Variants in FGF7 observed in about 807,000 individuals in gnomAD.
The protein encoded by FGF7 is fibroblast growth factor 7.
A neutral mutation model predicts 20.5 loss-of-function variants in FGF7; 6 were observed. The observed-to-expected ratio is 0.29, with a 90% CI of 0.16 to 0.58. The LOEUF (loss-of-function observed/expected upper bound fraction) is 0.58. FGF7 is among the 20% of genes least tolerant of loss of function. The pLI is 0.90. For synonymous variants in FGF7, 64 were observed against 74.7 expected, an observed-to-expected ratio of 0.86 and a Z score of 0.74; for missense variants, 144 against 228.8, an observed-to-expected ratio of 0.63 and a Z score of 2.39.
intron 2 of FGF7, among the ~76,000 whole-genome samples, chr15:49,429,823 C>T (rs1372046403): frequency 6.6e-6 from 1 of 151,842 alleles, no homozygotes; most frequent in Non-Finnish European, 1.5e-5. Context: ...CATTAGATTA[C>T]TGGGGAATTA....
chr15:49,447,877 T>C (rs1285315933), intron 2 of FGF7, among the ~76,000 whole-genome samples: 1 of 151,688 alleles, frequency 6.6e-6, no homozygotes, highest in African/African-American at 2.4e-5. Context: ...GGTTTGACTT[T>C]TGTTTTTCAT....
intron 2 of FGF7, among the ~76,000 whole-genome samples, chr15:49,433,517 G>A (rs563344609): frequency 1.3e-5 from 2 of 151,526 alleles, no homozygotes; most frequent in South Asian, 2.1e-4. Context: ...AATTTAAAGT[G>A]GGCAAGAATT....
At chr15:49,480,474 ATT>A (rs35283556) in intron 2 of FGF7, among the ~76,000 whole-genome samples, 18 of 100,912 alleles carry the variant, frequency 1.8e-4, no homozygotes, top group Middle Eastern at 6.6e-3. Context: ...TGCCCAACTA[ATT>A]TTTTTTTTTT....
rs565920272 is a variant in FGF7, at chr15:49,469,859, T to A, written c.287-13292T>A. 4.6e-5 allele frequency among the ~76,000 whole-genome samples: 7 copies of A among 152,218 alleles called. No homozygotes were observed. In the South Asian group the frequency reaches 8.3e-4, roughly 18 times the overall value. ...AATTTTTTACGACTCTAAGAAGTCA[T>A]AATGATAAGCAAACTCAAAATGAGA... On this transcript the variant is annotated intron_variant, in intron 2 of 3. Transcript: ENST00000267843.
chr15:49,448,896 G>C (rs2052472086), intron 2 of FGF7, among the ~76,000 whole-genome samples: 1 of 151,540 alleles, frequency 6.6e-6, no homozygotes, highest in Non-Finnish European at 1.5e-5. Flanking sequence ...CTAACAACTG[G>C]ATACTTTCTC....
intron 2 of FGF7, among the ~76,000 whole-genome samples, chr15:49,435,260 GT>G (rs2051000011): frequency 1.3e-5 from 2 of 151,522 alleles, no homozygotes; most frequent in South Asian, 4.1e-4. Context: ...TCTTTATGGA[GT>G]TTTTTCCCTA....
chr15:49,429,512 T>C (rs1269386803), intron 2 of FGF7, among the ~76,000 whole-genome samples: 3 of 151,932 alleles, frequency 2.0e-5, no homozygotes, highest in Admixed American at 2.0e-4. Flanking sequence ...AGCTGTACAA[T>C]AACTCTTTAA....
intron 2 of FGF7, among the ~76,000 whole-genome samples, chr15:49,434,852 ATAAT>A (rs149612053): frequency 0.017 from 2,613 of 151,618 alleles, 94 homozygotes; most frequent in African/African-American, 0.06. Context: ...AAACTAATTA[ATAAT>A]TAATTAATAA....
At chr15:49,447,939 A>G (rs1220486672) in intron 2 of FGF7, among the ~76,000 whole-genome samples, 3 of 151,716 alleles carry the variant, frequency 2.0e-5, no homozygotes, top group Non-Finnish European at 4.4e-5. Flanking sequence ...TCCTTTAAAG[A>G]TCTAGCTTTT....
At chr15:49,442,625 T>C (rs1433776974) in intron 2 of FGF7, among the ~76,000 whole-genome samples, 1 of 151,652 alleles carries the variant, frequency 6.6e-6, no homozygotes, top group Admixed American at 6.6e-5. Flanking sequence ...TTGCATAGAG[T>C]AGTTACTCAC....
rs2056215155 is a variant in FGF7 at position 49,484,296 on chromosome 15, GTTTGT to G, written c.391-10_391-6del. ...TCATTTGGATAATGTCTGTTTGTTT[GTTTGT>G]TTTAACAGAAAGAATGCAATGAAGA... On this transcript the variant is annotated splice_polypyrimidine_tract_variant and intron_variant, in intron 3 of 3. Transcript: ENST00000267843. 2 of 1,571,072 alleles carry G rather than the reference GTTTGT, an allele frequency of 1.3e-6. No homozygotes were observed. Among genetic ancestry groups the G allele is most frequent in the Non-Finnish European group, 1.7e-6 (2 of 1,161,400 alleles).
intron 2 of FGF7, among the ~76,000 whole-genome samples, chr15:49,459,421 T>G (rs1487883535): frequency 1.3e-5 from 2 of 152,192 alleles, no homozygotes; most frequent in Non-Finnish European, 2.9e-5. Context: ...GTCCATGTGT[T>G]GTACATTTTT....
At chr15:49,470,629 C>T (rs2054655637) in intron 2 of FGF7, among the ~76,000 whole-genome samples, 1 of 152,150 alleles carries the variant, frequency 6.6e-6, no homozygotes, top group African/African-American at 2.4e-5. Flanking sequence ...ACTTCTTTTG[C>T]TTTAGCCTCA....
At chr15:49,448,414 G>A (rs917755951) in intron 2 of FGF7, among the ~76,000 whole-genome samples, 6 of 150,780 alleles carry the variant, frequency 4.0e-5, no homozygotes, top group African/African-American at 1.5e-4. Flanking sequence ...ATATAGAACT[G>A]ATGTGTATAT....
chr15:49,478,860 T>C (rs146883688), intron 2 of FGF7, among the ~76,000 whole-genome samples: 1,628 of 152,204 alleles, frequency 0.011, 32 homozygotes, highest in African/African-American at 0.034. Flanking sequence ...TAAAGCACTT[T>C]AAAATCACAA....
chr15:49,433,629 C>T (rs1358407906), intron 2 of FGF7, among the ~76,000 whole-genome samples: 2 of 151,558 alleles, frequency 1.3e-5, no homozygotes, highest in East Asian at 2.0e-4. Flanking sequence ...TAATGTCTTT[C>T]TAGGTGATTT....
chr15:49,458,672 G>A (rs2053531877), intron 2 of FGF7, among the ~76,000 whole-genome samples: 1 of 151,992 alleles, frequency 6.6e-6, no homozygotes, highest in East Asian at 1.9e-4. Context: ...TAATACTTCA[G>A]AAAACAAAAC....
At chr15:49,449,855 T>A (rs533480228) in intron 2 of FGF7, among the ~76,000 whole-genome samples, 42 of 152,214 alleles carry the variant, frequency 2.8e-4, no homozygotes, top group African/African-American at 9.9e-4. Context: ...ATTACTTAAC[T>A]TTAGAGATAC....
chr15:49,470,020 T>C (rs891513060), intron 2 of FGF7, among the ~76,000 whole-genome samples: 23 of 152,164 alleles, frequency 1.5e-4, no homozygotes, highest in African/African-American at 5.5e-4. Context: ...GTAGCTATGC[T>C]TTAACATATT....
Sources: gnomAD v4.1 joint callset for allele counts (sites outside exome capture counted in the v4.1 genomes callset) on GRCh38, gnomAD v4.1.1 for gene constraint, MANE v1.5 for transcripts, NCBI Gene and HGNC (gene_info 2026-07-23, HGNC 2026-07-21) for gene names.